EXT2: variants seen among roughly 807,000 people sequenced by gnomAD.
EXT2 encodes exostosin glycosyltransferase 2, also known as exostosin-2.
Under a neutral mutation model 81.6 loss-of-function variants are expected in EXT2, and 53 were observed. The ratio of observed to expected loss-of-function variants is 0.65; its 90% confidence interval spans 0.52 to 0.82. The LOEUF is 0.82. Ranked by LOEUF, EXT2 falls within the 40% of genes least tolerant of loss-of-function variation. The pLI, the probability that EXT2 is intolerant of heterozygous loss-of-function variation, is 0.00. For missense variants in EXT2, 774 were observed against 910.2 expected (o/e 0.85, Z 1.93); for synonymous variants, 320 against 340.0 (o/e 0.94, Z 0.65).
intron 10 of EXT2, among the ~76,000 whole-genome samples, chr11:44,221,285 C>T (rs1306998898): frequency 6.6e-6 from 1 of 152,188 alleles, no homozygotes; most frequent in Admixed American, 6.5e-5. Context: ...TCTGCACCCT[C>T]ACCTCACCCC....
chr11:44,141,533 T>G (rs1010212450), intron 7 of EXT2, among the ~76,000 whole-genome samples: 3 of 152,226 alleles, frequency 2.0e-5, no homozygotes, highest in African/African-American at 4.8e-5. Flanking sequence ...TTTAGGACAG[T>G]GAACTGGGTG....
chr11:44,148,181 A>G (rs530001941), intron 7 of EXT2, among the ~76,000 whole-genome samples: 75 of 152,332 alleles, frequency 4.9e-4, no homozygotes, highest in African/African-American at 1.6e-3. Context: ...CAAGGTAGAA[A>G]GAGATCAGGA....
intron 1 of EXT2, chr11:44,096,235 C>T: frequency 6.5e-7 from 1 of 1,535,900 alleles, no homozygotes; most frequent in Non-Finnish European, 8.7e-7. Context: ...CCACAGGGAT[C>T]TGATTCCTCC....
At chr11:44,096,394 G>T in intron 1 of EXT2, 1 of 1,431,610 alleles carries the variant, frequency 7.0e-7, no homozygotes, top group South Asian at 1.2e-5. Context: ...GGGACTGGGT[G>T]ACCGGGAACT....
intron 1 of EXT2, among the ~76,000 whole-genome samples, chr11:44,097,359 A>G (rs1423211242): frequency 6.6e-6 from 1 of 152,234 alleles, no homozygotes; most frequent in Non-Finnish European, 1.5e-5. Flanking sequence ...ATTATAAAGA[A>G]TCCTATCAAG....
chr11:44,106,179 AGG>A (rs1358217858), intron 1 of EXT2, among the ~76,000 whole-genome samples: 2 of 152,232 alleles, frequency 1.3e-5, no homozygotes, highest in Admixed American at 6.5e-5. Flanking sequence ...TTCATGGGGA[AGG>A]GACATGGATT....
At chr11:44,200,151 T>TTA (rs1174800601) in intron 9 of EXT2, among the ~76,000 whole-genome samples, 2 of 131,862 alleles carry the variant, frequency 1.5e-5, no homozygotes, top group Non-Finnish European at 3.3e-5. Context: ...ATATATATTA[T>TTA]AAAAAAAAAA....
intron 8 of EXT2, among the ~76,000 whole-genome samples, chr11:44,180,922 C>A (rs1272276308): frequency 2.6e-5 from 4 of 151,864 alleles, no homozygotes; most frequent in Admixed American, 2.6e-4. Flanking sequence ...GCCAACATGG[C>A]GAAACCCCAT....
At chr11:44,194,097 T>G (rs979488056) in intron 8 of EXT2, among the ~76,000 whole-genome samples, 10 of 152,342 alleles carry the variant, frequency 6.6e-5, no homozygotes, top group Non-Finnish European at 1.5e-4. Context: ...GCCTAAGCTT[T>G]GCATCTCTTA....
intron 13 of EXT2, among the ~76,000 whole-genome samples, chr11:44,243,858 G>A (rs1369175488): frequency 6.6e-6 from 1 of 151,948 alleles, no homozygotes; most frequent in African/African-American, 2.4e-5. Flanking sequence ...GAGGGGAAAA[G>A]ATACTCTGAC....
At chr11:44,216,346 G>A (rs1010863920) in intron 10 of EXT2, among the ~76,000 whole-genome samples, 2 of 152,182 alleles carry the variant, frequency 1.3e-5, no homozygotes, top group Non-Finnish European at 2.9e-5. Flanking sequence ...GTGTGATTCC[G>A]TATGGAAAAG....
intron 3 of EXT2, among the ~76,000 whole-genome samples, chr11:44,113,721 G>A (rs1231170082): frequency 6.6e-6 from 1 of 152,196 alleles, no homozygotes; most frequent in African/African-American, 2.4e-5. Context: ...GATGTGAAAT[G>A]TGATACTTTC....
intron 7 of EXT2, among the ~76,000 whole-genome samples, chr11:44,133,032 C>T (rs1473542438): frequency 6.6e-6 from 1 of 152,188 alleles, no homozygotes; most frequent in Non-Finnish European, 1.5e-5. Context: ...AGCACCCCTC[C>T]CCTCAGTTGT....
At chr11:44,237,843 C>A (rs1026324062) in intron 13 of EXT2, among the ~76,000 whole-genome samples, 14 of 145,614 alleles carry the variant, frequency 9.6e-5, no homozygotes, top group Non-Finnish European at 1.8e-4. Flanking sequence ...GCTGGTGGAT[C>A]ACCTGAGGTC....
chr11:44,174,759 T>G (rs1955133172), intron 8 of EXT2, among the ~76,000 whole-genome samples: 1 of 152,236 alleles, frequency 6.6e-6, no homozygotes, highest in African/African-American at 2.4e-5. Context: ...CAGAACAATG[T>G]TAAATCATGA....
At chr11:44,192,764 G>A (rs1264203394) in intron 8 of EXT2, among the ~76,000 whole-genome samples, 1 of 152,114 alleles carries the variant, frequency 6.6e-6, no homozygotes, top group African/African-American at 2.4e-5. Flanking sequence ...CTAGTACATG[G>A]CAAGGCCCAG....
intron 7 of EXT2, among the ~76,000 whole-genome samples, chr11:44,165,307 C>T (rs1954980761): frequency 6.6e-6 from 1 of 152,236 alleles, no homozygotes; most frequent in Non-Finnish European, 1.5e-5. Flanking sequence ...TAGCTGAAGA[C>T]TCCTTCCTCT....
At chr11:44,198,053 A>C in intron 9 of EXT2, 35 bp downstream of exon 9, 1 of 1,608,352 alleles carries the variant, frequency 6.2e-7, no homozygotes, top group Non-Finnish European at 8.5e-7. Context: ...AGCTGGATCA[A>C]TTTTGGATGG....
intron 7 of EXT2, among the ~76,000 whole-genome samples, chr11:44,153,926 T>G (rs997236947): frequency 1.3e-5 from 2 of 151,820 alleles, no homozygotes; most frequent in Non-Finnish European, 2.9e-5. Flanking sequence ...TTGTTGTTGT[T>G]TTTTTTTAGA....
Sources: gnomAD v4.1 joint callset for allele counts (sites outside exome capture counted in the v4.1 genomes callset) on GRCh38, gnomAD v4.1.1 for gene constraint, MANE v1.5 for transcripts, NCBI Gene and HGNC (gene_info 2026-07-23, HGNC 2026-07-21) for gene names.